Variants in COL8A1 observed in about 807,000 individuals in gnomAD.
The protein encoded by COL8A1 is collagen type VIII alpha 1 chain.
A neutral mutation model predicts 42.7 loss-of-function variants in COL8A1; 21 were observed. That is an observed-to-expected ratio of 0.49 (90% CI 0.35 to 0.71). The LOEUF is 0.71. Ranked by LOEUF, COL8A1 falls within the 30% of genes least tolerant of loss-of-function variation. The pLI is 0.01. For synonymous variants in COL8A1, 367 were observed against 369.1 expected (o/e 0.99, Z 0.06); for missense variants, 788 against 962.4 (o/e 0.82, Z 2.40).
chr3:99,654,169 C>A (rs770625221), intron 1 of COL8A1, among the ~76,000 whole-genome samples: 54 of 152,314 alleles, frequency 3.5e-4, no homozygotes, highest in Non-Finnish European at 5.6e-4. Context: ...GCAGACTCAG[C>A]AAGTCTGCTC....
At chr3:99,723,817 T>A (rs1252247432) in intron 1 of COL8A1, among the ~76,000 whole-genome samples, 2 of 152,140 alleles carry the variant, frequency 1.3e-5, no homozygotes, top group Admixed American at 1.3e-4. Flanking sequence ...CCCAACACCA[T>A]CAGCCCTCTT....
intron 2 of COL8A1, among the ~76,000 whole-genome samples, chr3:99,788,274 GT>G (rs1486280724): frequency 1.3e-5 from 2 of 152,174 alleles, no homozygotes; most frequent in Non-Finnish European, 2.9e-5. Flanking sequence ...TAAAGAGCTG[GT>G]TTACAGGACA....
At chr3:99,639,177 A>G (rs923669620) in intron 1 of COL8A1, among the ~76,000 whole-genome samples, 23 of 152,322 alleles carry the variant, frequency 1.5e-4, no homozygotes, top group Middle Eastern at 3.4e-3. Context: ...GCTTGGAAAA[A>G]AATGATGTGA....
chr3:99,671,022 G>A (rs753047849), intron 1 of COL8A1, among the ~76,000 whole-genome samples: 17 of 151,296 alleles, frequency 1.1e-4, no homozygotes, highest in Non-Finnish European at 2.2e-4. Context: ...GTGTTGGGGG[G>A]GTTATTTAAA....
intron 1 of COL8A1, among the ~76,000 whole-genome samples, chr3:99,723,455 A>G (rs11710081): frequency 6.6e-6 from 1 of 152,008 alleles, no homozygotes; most frequent in Non-Finnish European, 1.5e-5. Flanking sequence ...GCCCCTTAAA[A>G]CAAAAACAAA....
chr3:99,692,411 AT>A (rs1435373192), intron 1 of COL8A1, among the ~76,000 whole-genome samples: 1 of 152,232 alleles, frequency 6.6e-6, no homozygotes, highest in East Asian at 1.9e-4. Flanking sequence ...GGACATTTGT[AT>A]ATTCCCTGGT....
At chr3:99,709,639 A>G (rs1375862350) in intron 1 of COL8A1, among the ~76,000 whole-genome samples, 1 of 152,198 alleles carries the variant, frequency 6.6e-6, no homozygotes, top group African/African-American at 2.4e-5. Context: ...GAGGAATTTA[A>G]CCAAAAACTA....
Position 99,796,708 on chromosome 3 carries a change from T to C in COL8A1, c.*572T>C, listed in dbSNP as rs1942115085. On this transcript the variant is annotated 3_prime_UTR_variant, in exon 4 of 4. Coordinates refer to ENST00000652472, the MANE Select transcript of COL8A1 (RefSeq NM_020351.4). ...TTTAGTCAAAGGGATATCTCTCTTG[T>C]ATCAGAGGCTGTGTCTTTTAGTAAC... The C allele has an allele frequency of 2.0e-5, 3 of 152,262 alleles. No individual in the cohort carries two copies. Among genetic ancestry groups the C allele is most frequent in the Admixed American group, 2.0e-4 (3 of 15,288 alleles). The allele number at this position is 152,262 out of a possible 1,614,324, so 9.4% of individuals were successfully genotyped here. A position where few individuals can be genotyped will look rare whatever the true frequency, so the allele number is the denominator to read the frequency against.
chr3:99,695,281 G>A (rs1003297869), intron 1 of COL8A1, among the ~76,000 whole-genome samples: 1 of 152,190 alleles, frequency 6.6e-6, no homozygotes, highest in East Asian at 1.9e-4. Flanking sequence ...CACAAAACAT[G>A]TTAATCTTAA....
At chr3:99,684,220 T>C (rs1938979920) in intron 1 of COL8A1, among the ~76,000 whole-genome samples, 1 of 152,218 alleles carries the variant, frequency 6.6e-6, no homozygotes, top group Non-Finnish European at 1.5e-5. Context: ...AGTCACTGTG[T>C]AATGAGCTCC....
intron 1 of COL8A1, among the ~76,000 whole-genome samples, chr3:99,694,277 G>A (rs1939306160): frequency 6.6e-6 from 1 of 152,150 alleles, no homozygotes; most frequent in Admixed American, 6.5e-5. Context: ...GAGGTCAGGA[G>A]TTCGAGACCA....
intron 1 of COL8A1, among the ~76,000 whole-genome samples, chr3:99,683,006 T>C (rs1388257235): frequency 6.6e-6 from 1 of 152,222 alleles, no homozygotes; most frequent in East Asian, 1.9e-4. Context: ...CTGTATGAAC[T>C]TTTTGAAAGT....
chr3:99,723,603 T>C (rs922654305), intron 1 of COL8A1, among the ~76,000 whole-genome samples: 4 of 152,290 alleles, frequency 2.6e-5, no homozygotes, highest in Non-Finnish European at 4.4e-5. Flanking sequence ...AGAAGCCTTA[T>C]GAAATTTCTC....
intron 1 of COL8A1, among the ~76,000 whole-genome samples, chr3:99,662,426 G>A (rs1354019265): frequency 6.6e-6 from 1 of 151,590 alleles, no homozygotes; most frequent in Non-Finnish European, 1.5e-5. Context: ...TACAGTAATA[G>A]TGAAAAGATA....
chr3:99,639,067 T>C (rs540681744), intron 1 of COL8A1, among the ~76,000 whole-genome samples: 1 of 152,292 alleles, frequency 6.6e-6, no homozygotes, highest in South Asian at 2.1e-4. Flanking sequence ...TTCCTAAAAA[T>C]AGCACAGTCA....
At chr3:99,701,149 A>G (rs1196681282) in intron 1 of COL8A1, among the ~76,000 whole-genome samples, 1 of 152,218 alleles carries the variant, frequency 6.6e-6, no homozygotes, top group Non-Finnish European at 1.5e-5. Context: ...GCCCCGGCTG[A>G]GGCAACTGGG....
chr3:99,790,595 T>C, intron 2 of COL8A1, 85 bp from the exon 3 acceptor site: 1 of 1,087,868 alleles, frequency 9.2e-7, no homozygotes, highest in Admixed American at 2.5e-5. Context: ...GTTTCCCTTT[T>C]TTTTCCCCAT....
At chr3:99,761,333 G>C (rs1217944504) in intron 2 of COL8A1, among the ~76,000 whole-genome samples, 1 of 151,990 alleles carries the variant, frequency 6.6e-6, no homozygotes, top group African/African-American at 2.4e-5. Flanking sequence ...TTATTTTCAT[G>C]GTACACCTAA....
chr3:99,692,152 AACC>A lies in COL8A1; in HGVS notation c.-128-52731_-128-52729del, dbSNP rs747006978. ...ACCCCTACTCACACACACCAACCACAACCACCACCACCACCAAGTGTAATTCAA... is the reference window on the plus strand; with the variant it reads ...ACCCCTACTCACACACACCAACCACAACCACCACCACCAAGTGTAATTCAA... On this transcript the variant is annotated intron_variant, in intron 1 of 3. Transcript: ENST00000652472. Among the ~76,000 whole-genome samples the A allele has an allele frequency of 3.7e-4, 57 of 152,076 alleles. 1 individual carries two copies. The highest frequency in any genetic ancestry group is 6.8e-3 in the Middle Eastern group (2 of 292).
Sources: gnomAD v4.1 joint callset for allele counts (sites outside exome capture counted in the v4.1 genomes callset) on GRCh38, gnomAD v4.1.1 for gene constraint, MANE v1.5 for transcripts, NCBI Gene and HGNC (gene_info 2026-07-23, HGNC 2026-07-21) for gene names.